PID1: variants seen among roughly 807,000 people sequenced by gnomAD.
PID1 encodes PTB-containing, cubilin and LRP1-interacting protein.
PID1 carries 10 observed loss-of-function variants against 19.1 expected under a neutral mutation model. That is an observed-to-expected ratio of 0.52 (90% confidence interval 0.32 to 0.89). The LOEUF (loss-of-function observed/expected upper bound fraction) is 0.89. Among genes scored for constraint, PID1 ranks in the 40% least tolerant of loss-of-function variants. The pLI is 0.03. For missense variants in PID1, 248 were observed against 285.3 expected, an observed-to-expected ratio of 0.87 and a Z score of 0.94; for synonymous variants, 130 against 116.0, an observed-to-expected ratio of 1.12 and a Z score of -0.78.
At chr2:229,068,205 G>T (rs1051872743) in intron 2 of PID1, among the ~76,000 whole-genome samples, 1 of 152,190 alleles carries the variant, frequency 6.6e-6, no homozygotes, top group Non-Finnish European at 1.5e-5. Flanking sequence ...ATTGAGAAGG[G>T]AGCTGTGCTT....
chr2:229,220,473 C>T (rs1041234242), intron 1 of PID1, among the ~76,000 whole-genome samples: 10 of 152,196 alleles, frequency 6.6e-5, no homozygotes, highest in Admixed American at 1.3e-4. Context: ...AGGACTCCAA[C>T]GGCCCATGCT....
chr2:229,238,695 AG>A (rs1383529762), intron 1 of PID1, among the ~76,000 whole-genome samples: 1 of 152,142 alleles, frequency 6.6e-6, no homozygotes, highest in Non-Finnish European at 1.5e-5. Context: ...AAAAGAAACG[AG>A]TAAGTCTCTG....
rs543320783 is a variant in PID1 at position 229,113,699 on chromosome 2, G to A, written c.177+42119C>T. Among the ~76,000 whole-genome samples the A allele has an allele frequency of 9.3e-5, 14 of 151,224 alleles. No homozygotes were observed. The South Asian group carries it at 2.9e-3, about 32-fold the overall frequency. On this transcript the variant is annotated intron_variant, in intron 2 of 2. Transcript: ENST00000392055. Reference sequence around the variant, plus strand: ...ATGCAATAACCTGAGGGTAATAATGGGCTGAGATTCAAACCCAGGTCCTCT... The same window carrying A: ...ATGCAATAACCTGAGGGTAATAATGAGCTGAGATTCAAACCCAGGTCCTCT...
intron 2 of PID1, among the ~76,000 whole-genome samples, chr2:229,053,474 G>A (rs1251456947): frequency 2.6e-5 from 4 of 152,290 alleles, no homozygotes; most frequent in Middle Eastern, 3.4e-3. Flanking sequence ...TCTTCATAAA[G>A]GAAGAGAAAA....
chr2:229,231,833 T>C, intron 1 of PID1: 1 of 1,533,556 alleles, frequency 6.5e-7, no homozygotes, highest in South Asian at 1.2e-5. Context: ...ACTCCTCTTC[T>C]TTTACCTCCT....
chr2:229,267,659 G>A (rs577639036), intron 1 of PID1, among the ~76,000 whole-genome samples: 1 of 152,120 alleles, frequency 6.6e-6, no homozygotes, highest in Non-Finnish European at 1.5e-5. Context: ...GAAGACATTT[G>A]CTCTGAGAAA....
At chr2:229,203,137 G>C (rs1691533872) in intron 1 of PID1, among the ~76,000 whole-genome samples, 1 of 152,062 alleles carries the variant, frequency 6.6e-6, no homozygotes, top group Non-Finnish European at 1.5e-5. Context: ...AAAACGCCTG[G>C]TGATTCTAGT....
chr2:229,062,455 A>G (rs897653361), intron 2 of PID1, among the ~76,000 whole-genome samples: 6 of 151,902 alleles, frequency 3.9e-5, no homozygotes, highest in African/African-American at 1.4e-4. Flanking sequence ...CTGCTTGATC[A>G]CATTTAACAA....
intron 1 of PID1, among the ~76,000 whole-genome samples, chr2:229,251,285 TTTTC>T (rs1690143017): frequency 6.6e-6 from 1 of 152,200 alleles, no homozygotes; most frequent in South Asian, 2.1e-4. Context: ...ATTTTTTTTT[TTTTC>T]AGTGTATAGG....
At chr2:229,088,606 T>C (rs1694813099) in intron 2 of PID1, among the ~76,000 whole-genome samples, 1 of 152,162 alleles carries the variant, frequency 6.6e-6, no homozygotes, top group Non-Finnish European at 1.5e-5. Flanking sequence ...AATCTGGTAC[T>C]ATGGACCTGA....
In PID1 at chr2:229,120,088, G is replaced by A. The variant is rs371871900; in HGVS notation, c.177+35730C>T. Among the ~76,000 whole-genome samples, 18 of 152,192 alleles carry A rather than the reference G, an allele frequency of 1.2e-4. No homozygotes were observed. In the East Asian group the frequency reaches 1.7e-3, roughly 15 times the overall value. On this transcript the variant is annotated intron_variant, in intron 2 of 2. Transcript: ENST00000392055. ...TGGGACTTAGCCTCCATAATCATGT[G>A]AGCCAACATCTTATAATAAATTTTT...
intron 1 of PID1, among the ~76,000 whole-genome samples, chr2:229,219,229 G>A (rs1394882001): frequency 1.3e-5 from 2 of 152,058 alleles, no homozygotes; most frequent in African/African-American, 2.4e-5. Context: ...CCCGAGACGC[G>A]AGACTGGGTA....
At chr2:229,129,154 C>G (rs1299710192) in intron 2 of PID1, among the ~76,000 whole-genome samples, 1 of 152,172 alleles carries the variant, frequency 6.6e-6, no homozygotes, top group African/African-American at 2.4e-5. Flanking sequence ...GACTTGAGCC[C>G]AAGCCCCGCT....
chr2:229,034,309 C>G (rs1341539415), intron 2 of PID1, among the ~76,000 whole-genome samples: 1 of 152,204 alleles, frequency 6.6e-6, no homozygotes. Flanking sequence ...AGGACTTACT[C>G]TATGCCAGGT....
At chr2:229,263,065 TG>T (rs1372805953) in intron 1 of PID1, among the ~76,000 whole-genome samples, 1 of 152,206 alleles carries the variant, frequency 6.6e-6, no homozygotes, top group Non-Finnish European at 1.5e-5. Flanking sequence ...CCTTCAACAA[TG>T]AATAACATAT....
chr2:229,206,327 A>G (rs1405617073), intron 1 of PID1, among the ~76,000 whole-genome samples: 2 of 152,104 alleles, frequency 1.3e-5, no homozygotes, highest in Admixed American at 6.6e-5. Flanking sequence ...TAGCTTTTCA[A>G]TGTTCATTGA....
intron 2 of PID1, among the ~76,000 whole-genome samples, chr2:229,050,157 G>C (rs899165838): frequency 3.9e-5 from 6 of 152,132 alleles, no homozygotes; most frequent in African/African-American, 1.4e-4. Context: ...CACAATCCCT[G>C]GGGCAAGACA....
In PID1 at chr2:229,147,888, C is replaced by T. The variant is rs115630622; in HGVS notation, c.177+7930G>A. ...AGGACCACGATTTACAGCTATAGCC[C>T]TCACAGTGTATGGGGCACATGGAAA... On this transcript the variant is annotated intron_variant, in intron 2 of 2. Coordinates refer to ENST00000392055, the MANE Select transcript of PID1 (RefSeq NM_001100818.2). Among the ~76,000 whole-genome samples, 964 of 152,266 alleles carry T rather than the reference C, an allele frequency of 6.3e-3. 10 individuals are homozygous for T. Among genetic ancestry groups the T allele is most frequent in the African/African-American group, 0.023 (937 of 41,540 alleles).
intron 2 of PID1, among the ~76,000 whole-genome samples, chr2:229,038,078 T>A (rs1056781021): frequency 6.6e-6 from 1 of 152,028 alleles, no homozygotes; most frequent in African/African-American, 2.4e-5. Flanking sequence ...TGGTTAGAGG[T>A]CACAAACACA....
Sources: allele counts gnomAD v4.1 joint callset (sites outside exome capture counted in the v4.1 genomes callset), GRCh38; gene constraint gnomAD v4.1.1; transcripts MANE v1.5; gene names NCBI Gene and HGNC (gene_info 2026-07-23, HGNC 2026-07-21).